The following ZNF540 variants were observed in gnomAD, a reference collection of about 807,000 sequenced individuals.
ZNF540 encodes the protein zinc finger protein 540.
In ZNF540, 3 loss-of-function variants were observed where a neutral mutation model predicts 11.8. That is an observed-to-expected ratio of 0.25 (90% confidence interval 0.12 to 0.65). The LOEUF (loss-of-function observed/expected upper bound fraction) is 0.65, where lower values mean the gene tolerates loss of function less well. Ranked by LOEUF, ZNF540 falls within the 30% of genes least tolerant of loss-of-function variation. The pLI, the probability that ZNF540 is intolerant of heterozygous loss-of-function variation, is 0.83. For synonymous variants in ZNF540, 247 were observed against 259.0 expected (o/e 0.95, Z 0.45); for missense variants, 709 against 793.1 (o/e 0.89, Z 1.27).
intron 2 of ZNF540, among the ~76,000 whole-genome samples, chr19:37,598,878 G>C (rs1178956311): frequency 6.6e-6 from 1 of 152,122 alleles, no homozygotes; most frequent in African/African-American, 2.4e-5. Context: ...AGAGGCCAGG[G>C]GATCTTTCCT....
rs372007235 is a variant in ZNF540 at position 37,564,719 on chromosome 19, C to T, written c.-73+13054C>T. The stretch of plus-strand genomic sequence containing the variant: ...CCTTTGATGCAGAGTAAGTTCTGAG[C>T]CACGACTAAAGGCCCTCCCACATTC... On this transcript the variant is annotated intron_variant, in intron 1 of 4. Coordinates refer to the ZNF540 transcript ENST00000592533. 1 of 1,613,408 alleles carries T rather than the reference C, an allele frequency of 6.2e-7. No homozygotes were observed. The highest frequency in any genetic ancestry group is 1.7e-5 in the Admixed American group (1 of 59,950).
intron 1 of ZNF540, among the ~76,000 whole-genome samples, chr19:37,588,620 C>G (rs1380352568): frequency 6.6e-6 from 1 of 152,148 alleles, no homozygotes; most frequent in African/African-American, 2.4e-5. Flanking sequence ...CTGCTCACTA[C>G]CTGGGTGACT....
chr19:37,600,144 A>G (rs1335790310), intron 3 of ZNF540, among the ~76,000 whole-genome samples: 4 of 152,224 alleles, frequency 2.6e-5, no homozygotes, highest in Non-Finnish European at 4.4e-5. Flanking sequence ...CCCAGGGTCT[A>G]CAATTTACAT....
chr19:37,604,296 C>CTTTTTTTTTTTTTTTTTTTT lies in ZNF540; in HGVS notation c.232+3201_232+3220dup, dbSNP rs769163050. Among the ~76,000 whole-genome samples the CTTTTTTTTTTTTTTTTTTTT allele has an allele frequency of 9.3e-5, 7 of 75,266 alleles. 2 individuals are homozygous for CTTTTTTTTTTTTTTTTTTTT. The highest frequency in any genetic ancestry group is 1.5e-4 in the Non-Finnish European group (6 of 39,488). The allele number at this position is 75,266 out of a possible 152,430, so 49.4% of individuals were successfully genotyped here. A position where few individuals can be genotyped will look rare whatever the true frequency, so the allele number is the denominator to read the frequency against. Reference sequence around the variant, plus strand: ...CATAGAGCTTTGGAAAATAGCCTTACTTTTTTTTTTTTTTTTTTTTTTTTT... The same window carrying CTTTTTTTTTTTTTTTTTTTT: ...CATAGAGCTTTGGAAAATAGCCTTACTTTTTTTTTTTTTTTTTTTTTTTTTTTTTTTTTTTTTTTTTTTTT... On this transcript the variant is annotated intron_variant, in intron 4 of 4. Coordinates refer to ENST00000316433, the MANE Select transcript of ZNF540 (RefSeq NM_001172225.3).
intron 1 of ZNF540, chr19:37,595,390 T>C (rs1356174046): frequency 6.6e-6 from 1 of 152,148 alleles, no homozygotes; most frequent in Non-Finnish European, 1.5e-5. Flanking sequence ...TGAGGGTGAC[T>C]GATGTCTGTT....
At chr19:37,565,246 T>G (rs1318348075) in intron 1 of ZNF540, 1 of 1,612,614 alleles carries the variant, frequency 6.2e-7, no homozygotes, top group African/African-American at 1.3e-5. Context: ...TCCCACATTC[T>G]TTGCATTTAT....
At chr19:37,600,552 G>C (rs1213281541) in intron 3 of ZNF540, among the ~76,000 whole-genome samples, 1 of 151,914 alleles carries the variant, frequency 6.6e-6, no homozygotes, top group Admixed American at 6.6e-5. Context: ...ATCATTCTAA[G>C]TACTAGCTAC....
chr19:37,558,603 T>C (rs1482075984), intron 1 of ZNF540, among the ~76,000 whole-genome samples: 1 of 152,128 alleles, frequency 6.6e-6, no homozygotes, highest in Non-Finnish European at 1.5e-5. Context: ...TGGGTCCCAA[T>C]TAGGCCGGGT....
chr19:37,591,197 C>G (rs577391635), upstream of ZNF540, among the ~76,000 whole-genome samples: 3 of 152,242 alleles, frequency 2.0e-5, no homozygotes, highest in South Asian at 6.2e-4. Context: ...CACTGTATAC[C>G]ACAAGAGGAA....
intron 3 of ZNF540, among the ~76,000 whole-genome samples, chr19:37,600,574 G>T (rs1270016200): frequency 6.6e-6 from 1 of 151,466 alleles, no homozygotes; most frequent in African/African-American, 2.4e-5. Context: ...AGATACAAAA[G>T]AAAAAAAGAA....
At chr19:37,595,324 G>T (rs1398244605) in intron 1 of ZNF540, 1 of 152,264 alleles carries the variant, frequency 6.6e-6, no homozygotes, top group African/African-American at 2.4e-5. Flanking sequence ...GAGGCTATTA[G>T]TGGCGCATTT....
intron 4 of ZNF540, 82 bp from the exon 5 acceptor site, chr19:37,611,431 G>C: frequency 8.6e-7 from 1 of 1,156,678 alleles, no homozygotes. Flanking sequence ...TTTTCACTTT[G>C]TTTCCTATTT....
chr19:37,589,200 CAAAAAA>C (rs35689698), intron 1 of ZNF540, among the ~76,000 whole-genome samples: 102 of 108,894 alleles, frequency 9.4e-4, no homozygotes, highest in African/African-American at 3.1e-3. Context: ...AACTCCGTCT[CAAAAAA>C]AAAAAAAAAA....
At chr19:37,588,895 T>C (rs1270039617) in intron 1 of ZNF540, among the ~76,000 whole-genome samples, 7 of 151,980 alleles carry the variant, frequency 4.6e-5, no homozygotes, top group African/African-American at 1.4e-4. Context: ...ATATAAGATA[T>C]CTAAATATTA....
At chr19:37,552,567 T>C (rs1053043780) in intron 1 of ZNF540, among the ~76,000 whole-genome samples, 1 of 152,250 alleles carries the variant, frequency 6.6e-6, no homozygotes, top group African/African-American at 2.4e-5. Flanking sequence ...ATGATTGCTT[T>C]GTCTTCTTGG....
At chr19:37,561,048 CAAAA>C (rs199892724) in intron 1 of ZNF540, among the ~76,000 whole-genome samples, 27 of 73,778 alleles carry the variant, frequency 3.7e-4, no homozygotes, top group African/African-American at 1.1e-3. Context: ...CCTGTCTCTA[CAAAA>C]AAAAAAAAAA....
chr19:37,579,051 A>C (rs2043351603), intron 1 of ZNF540, among the ~76,000 whole-genome samples: 1 of 152,194 alleles, frequency 6.6e-6, no homozygotes, highest in South Asian at 2.1e-4. Flanking sequence ...CCCCACCTGA[A>C]CATTTCACCT....
chr19:37,597,911 G>T (rs1361404307), intron 1 of ZNF540, among the ~76,000 whole-genome samples: 1 of 152,264 alleles, frequency 6.6e-6, no homozygotes, highest in Admixed American at 6.5e-5. Context: ...GGGCGGGCCA[G>T]ATTTGGCCCA....
In ZNF540 at chr19:37,613,426, T is replaced by A; in HGVS notation, c.*163T>A. The A allele has an allele frequency of 2.0e-6, 1 of 507,682 alleles. No homozygotes were observed. Among genetic ancestry groups the A allele is most frequent in the Non-Finnish European group, 3.3e-6 (1 of 307,300 alleles). 31.4% of individuals were successfully genotyped at this position (507,682 alleles called of 1,614,324 possible). On this transcript the variant is annotated 3_prime_UTR_variant, in exon 5 of 5. Coordinates refer to ENST00000316433, the MANE Select transcript of ZNF540 (RefSeq NM_001172225.3). ...TCATTAAATTTAGGAAAATTCACAC[T>A]AGAAAATAAAGCTGTTAATGTAACA...
Sources: gnomAD v4.1 joint callset for allele counts (sites outside exome capture counted in the v4.1 genomes callset) on GRCh38, gnomAD v4.1.1 for gene constraint, MANE v1.5 for transcripts, NCBI Gene and HGNC (gene_info 2026-07-23, HGNC 2026-07-21) for gene names.